The following DNAH2 variants were observed in gnomAD, a reference collection of about 807,000 sequenced individuals.
The protein encoded by DNAH2 is dynein axonemal heavy chain 2.
Under a neutral mutation model 523.5 loss-of-function variants are expected in DNAH2, and 323 were observed. The observed-to-expected ratio is 0.62, with a 90% CI of 0.56 to 0.68. DNAH2 has a LOEUF of 0.68. DNAH2 is among the 30% of genes least tolerant of loss of function. The pLI is 0.00. For synonymous variants in DNAH2, 2,093 were observed against 2,177.4 expected, an observed-to-expected ratio of 0.96 and a Z score of 1.08; for missense variants, 4,907 against 5,701.5, an observed-to-expected ratio of 0.86 and a Z score of 4.49.
chr17:7,794,316 G>A lies in DNAH2; in HGVS notation c.7632G>A (p.Arg2544=), dbSNP rs778658276. 9 of 1,610,400 alleles carry A rather than the reference G, an allele frequency of 5.6e-6. No individual in the cohort carries two copies. Among genetic ancestry groups the A allele is most frequent in the Non-Finnish European group, 7.6e-6 (9 of 1,178,506 alleles). ...PGGGRTVISP[R]LRSRFNIINM... Reference sequence around the variant, plus strand: ...GTGGACGGACTGTCATCTCCCCAAGGCTACGGAGTCGCTTCAACATTATCA... The same window carrying A: ...GTGGACGGACTGTCATCTCCCCAAGACTACGGAGTCGCTTCAACATTATCA... Residue 2544 remains arginine (R), a synonymous_variant, in exon 49 of 86, where the codon AGG becomes AGA. Coordinates refer to ENST00000572933, the MANE Select transcript of DNAH2 (RefSeq NM_020877.5).
intron 12 of DNAH2, among the ~76,000 whole-genome samples, chr17:7,755,340 GCCTTTCCCACAATGA>G (rs2075807316): frequency 3.5e-4 from 1 of 2,898 alleles, no homozygotes; most frequent in Non-Finnish European, 2.5e-3. Context: ...ACCTTCTCCA[GCCTTTCCCACAATGA>G]CCTTCTCCAG....
At chr17:7,766,582 C>A in intron 22 of DNAH2, 101 bp downstream of exon 22, 2 of 1,273,100 alleles carry the variant, frequency 1.6e-6, no homozygotes, top group Non-Finnish European at 2.1e-6. Flanking sequence ...GGGAGAGGAG[C>A]TCACAAGGAG....
At position 7,770,584 on chromosome 17, in the gene DNAH2, G is replaced by C. The variant is rs753251260; in HGVS notation, c.4126G>C (p.Asp1376His). The C allele has an allele frequency of 6.2e-7, 1 of 1,614,130 alleles. No homozygotes were observed. The highest frequency in any genetic ancestry group is 1.1e-5 in the South Asian group (1 of 91,076). Residue 1376 changes from aspartate (D) to histidine (H), a missense_variant, in exon 26 of 86, where the codon GAT becomes CAT. Coordinates refer to ENST00000572933, the MANE Select transcript of DNAH2 (RefSeq NM_020877.5). ...VALQNIAKTW[D>H]VTQLDIVPYK... The stretch of plus-strand genomic sequence containing the variant: ...TTTACAAAACATTGCCAAGACCTGG[G>C]ATGTGACTCAGCTCGACATAGTACC...
At chr17:7,742,607 T>G (rs1018027553) in intron 11 of DNAH2, among the ~76,000 whole-genome samples, 4 of 152,170 alleles carry the variant, frequency 2.6e-5, no homozygotes, top group African/African-American at 9.7e-5. Flanking sequence ...GGGCTGATAC[T>G]GGTTTTCAAC....
At chr17:7,814,128 C>T (rs960371002) in intron 63 of DNAH2, among the ~76,000 whole-genome samples, 1 of 146,166 alleles carries the variant, frequency 6.8e-6, no homozygotes, top group Non-Finnish European at 1.5e-5. Flanking sequence ...TCCCCTTAAC[C>T]GGGTGCACTT....
rs34340945 is a variant in DNAH2, at chr17:7,827,929, CTTTGTTTG to C, written c.11854-2354_11854-2347del. On this transcript the variant is annotated intron_variant, in intron 77 of 85. Coordinates refer to ENST00000572933, the MANE Select transcript of DNAH2 (RefSeq NM_020877.5). ...TTTATCCTGGAATCAATACTTTAGT[CTTTGTTTG>C]TTTGTTTGTTTGTTTGGGATGGAGT... Among the ~76,000 whole-genome samples, 127 of 151,534 alleles carry C rather than the reference CTTTGTTTG, an allele frequency of 8.4e-4. 1 individual carries two copies. The highest frequency in any genetic ancestry group is 2.6e-3 in the African/African-American group (105 of 41,134).
intron 12 of DNAH2, among the ~76,000 whole-genome samples, chr17:7,751,116 GTTATTTATTTAT>G (rs141014293): frequency 0.76 from 113,788 of 150,344 alleles, 44,074 homozygotes; most frequent in East Asian, 1. Context: ...AAAAAATCAA[GTTATTTATTTAT>G]TTATTTATTT....
intron 8 of DNAH2, chr17:7,739,010 T>C (rs979992236): frequency 4.3e-6 from 3 of 702,742 alleles, no homozygotes; most frequent in Non-Finnish European, 7.8e-6. Flanking sequence ...AAGGACCTTA[T>C]TGAGGTGGGA....
intron 14 of DNAH2, 67 bp downstream of exon 14, chr17:7,758,718 A>G (rs1385709143): frequency 5.1e-6 from 8 of 1,573,312 alleles, no homozygotes; most frequent in Middle Eastern, 1.7e-4. Context: ...TGAGTGTTGC[A>G]TAGAGATTGG....
intron 56 of DNAH2, 73 bp downstream of exon 56, chr17:7,799,315 C>G (rs2077157879): frequency 6.3e-7 from 1 of 1,574,914 alleles, no homozygotes; most frequent in African/African-American, 1.3e-5. Context: ...CCTGTGCCTT[C>G]TGGAAATTAG....
intron 11 of DNAH2, among the ~76,000 whole-genome samples, chr17:7,741,238 C>A (rs954182561): frequency 1.3e-4 from 3 of 23,902 alleles, no homozygotes; most frequent in Non-Finnish European, 2.4e-4. Context: ...TTCTCTCTCT[C>A]TTTCTTTCTT....
At chr17:7,731,160 A>AATTAT (rs2074976198) in intron 4 of DNAH2, among the ~76,000 whole-genome samples, 1 of 151,764 alleles carries the variant, frequency 6.6e-6, no homozygotes, top group South Asian at 2.1e-4. Context: ...AATTAAATTA[A>AATTAT]AAAGAAAAAG....
chr17:7,797,661 C>A lies in DNAH2; in HGVS notation c.8081-19C>A. ...AAACCAGGCATTTGTGACTCTGATCCCCTCTTCCCATGGCTCAGGGGATTT... is the reference window on the plus strand; with the variant it reads ...AAACCAGGCATTTGTGACTCTGATCACCTCTTCCCATGGCTCAGGGGATTT... On this transcript the variant is annotated intron_variant, in intron 52 of 85. Coordinates refer to ENST00000572933, the MANE Select transcript of DNAH2 (RefSeq NM_020877.5). 1 of 1,614,000 alleles carries A rather than the reference C, an allele frequency of 6.2e-7. No individual in the cohort carries two copies. Among genetic ancestry groups the A allele is most frequent in the Non-Finnish European group, 8.5e-7 (1 of 1,180,026 alleles).
In DNAH2 at chr17:7,754,489, G is replaced by T. The variant is rs2075780368; in HGVS notation, c.1905-2602G>T. 4.1e-6 allele frequency: 3 copies of T among 738,164 alleles called. No homozygotes were observed. The highest frequency in any genetic ancestry group is 6.9e-6 in the Non-Finnish European group (3 of 432,882). 45.7% of individuals were successfully genotyped at this position (738,164 alleles called of 1,614,324 possible). On this transcript the variant is annotated intron_variant, in intron 12 of 85. Transcript: ENST00000572933. The surrounding 1 kb of genome is among the most constrained non-coding windows in gnomAD (Gnocchi z 4.6). Reference sequence around the variant, plus strand: ...ACAAAGATACAAATCTCTTAAGGGGGTGGACTCCAAGTTCCTGAGGAACAT... The same window carrying T: ...ACAAAGATACAAATCTCTTAAGGGGTTGGACTCCAAGTTCCTGAGGAACAT...
chr17:7,776,918 T>A, intron 32 of DNAH2, 29 bp downstream of exon 32: 1 of 1,567,732 alleles, frequency 6.4e-7, no homozygotes, highest in Non-Finnish European at 8.7e-7. Flanking sequence ...TGGCTCATGC[T>A]TGTAATCCCA....
intron 4 of DNAH2, among the ~76,000 whole-genome samples, chr17:7,727,504 A>G (rs1428430286): frequency 2.0e-5 from 3 of 152,182 alleles, no homozygotes; most frequent in African/African-American, 4.8e-5. Context: ...CTGTAATCCC[A>G]TCACTTTGGG....
Position 7,830,699 on chromosome 17 carries a change from G to T in DNAH2, c.12087G>T (p.Glu4029Asp), listed in dbSNP as rs1446707906. 1.9e-6 allele frequency: 3 copies of T among 1,614,218 alleles called. No individual in the cohort carries two copies. Among genetic ancestry groups the T allele is most frequent in the Non-Finnish European group, 2.5e-6 (3 of 1,180,054 alleles). The change falls in exon 79 of 86, where the codon GAG becomes GAT. Residue 4029 changes from glutamate to aspartate, a missense_variant. This residue lies in a region of DNAH2 where 1,851 missense variants were observed against 2,139.4 expected (regional missense o/e 0.87). Coordinates refer to ENST00000572933, the MANE Select transcript of DNAH2 (RefSeq NM_020877.5). ...TGAGCCTCTATCTCGATGAGTACGA[G>T]GAGACACCTTGGGACGCACTTAAGT... ...NLLSLYLDEY[E>D]ETPWDALKYL...
chr17:7,779,326 C>T lies in DNAH2; in HGVS notation c.5625C>T (p.Ile1875=). The part of the protein sequence containing the change: ...LSVVAHQILC[I]LSALAAGLTH... ...TGGTGGCCCACCAGATCCTGTGCATCCTGTCTGCCCTGGCTGCCGGCCTCA... is the reference window on the plus strand; with the variant it reads ...TGGTGGCCCACCAGATCCTGTGCATTCTGTCTGCCCTGGCTGCCGGCCTCA... The change falls in exon 36 of 86, where the codon ATC becomes ATT. Residue 1875 remains isoleucine, a synonymous_variant. Transcript: ENST00000572933. 1.2e-6 allele frequency: 2 copies of T among 1,614,142 alleles called. No individual in the cohort carries two copies. Among genetic ancestry groups the T allele is most frequent in the Non-Finnish European group, 1.7e-6 (2 of 1,180,028 alleles).
In DNAH2 at chr17:7,824,287, G is replaced by C; in HGVS notation, c.11645G>C (p.Arg3882Pro). The change falls in exon 76 of 86, where the codon CGA becomes CCA. Residue 3882 changes from arginine to proline, a missense_variant. Transcript: ENST00000572933. Reference protein sequence around the residue: ...GQAPIAARLLREGVTQGHWVF... With the variant: ...GQAPIAARLLPEGVTQGHWVF... ...GCCCCCATCGCTGCTCGGCTCCTCCGAGAGGGTGTGACTCAGGGTTGGTGT... is the reference window on the plus strand; with the variant it reads ...GCCCCCATCGCTGCTCGGCTCCTCCCAGAGGGTGTGACTCAGGGTTGGTGT... The C allele has an allele frequency of 6.5e-7, 1 of 1,529,224 alleles. No homozygotes were observed. Among genetic ancestry groups the C allele is most frequent in the Non-Finnish European group, 8.8e-7 (1 of 1,142,638 alleles). 94.7% of individuals were successfully genotyped at this position (1,529,224 alleles called of 1,614,324 possible). A position where few individuals can be genotyped will look rare whatever the true frequency, so the allele number is the denominator to read the frequency against.
Sources: gnomAD v4.1 joint callset for allele counts (sites outside exome capture counted in the v4.1 genomes callset) on GRCh38, gnomAD v4.1.1 for gene constraint, gnomAD v4.1.1 regional missense constraint, Gnocchi (gnomAD v3.1) non-coding constraint, MANE v1.5 for transcripts, NCBI Gene and HGNC (gene_info 2026-07-23, HGNC 2026-07-21) for gene names.